The following SCOC variants were observed in gnomAD, a reference collection of about 807,000 sequenced individuals.
SCOC encodes the protein short coiled-coil protein, also known as short coiled coil protein.
In SCOC, 7 loss-of-function variants were observed where a neutral mutation model predicts 9.9. The observed-to-expected ratio is 0.71, with a 90% CI of 0.40 to 1.33. The LOEUF (loss-of-function observed/expected upper bound fraction) is 1.33, where lower values mean the gene tolerates loss of function less well. SCOC is among the 40% of genes most tolerant of loss of function. The probability of loss-of-function intolerance (pLI) is 0.01; values close to 1 mark genes in which losing one functional copy is unlikely to be tolerated. For missense variants in SCOC, 66 were observed against 89.7 expected (o/e 0.74, Z 1.07); for synonymous variants, 19 against 28.2 (o/e 0.67, Z 1.03).
intron 1 of SCOC, among the ~76,000 whole-genome samples, chr4:140,303,876 G>C (rs746119053): frequency 3.9e-5 from 6 of 152,144 alleles, no homozygotes; most frequent in South Asian, 2.1e-4. Flanking sequence ...AAGAAAACAA[G>C]CATTGCCGGT....
chr4:140,257,935 C>T (rs572808209), intron 1 of SCOC, among the ~76,000 whole-genome samples: 1 of 152,356 alleles, frequency 6.6e-6, no homozygotes, highest in South Asian at 2.1e-4. Context: ...GGGCAAGGAA[C>T]AAGCACAGGC....
chr4:140,287,646 A>G (rs916575322), intron 1 of SCOC, among the ~76,000 whole-genome samples: 4 of 152,086 alleles, frequency 2.6e-5, no homozygotes, highest in African/African-American at 9.7e-5. Flanking sequence ...CACACAGAGT[A>G]TGCAGGTACA....
At chr4:140,380,867 G>T (rs948427270) in intron 3 of SCOC, 95 bp from the exon 4 acceptor site, 2 of 976,336 alleles carry the variant, frequency 2.0e-6, no homozygotes, top group Admixed American at 3.0e-5. Context: ...TTTAAGGATT[G>T]TATTATTTCT....
At chr4:140,264,460 G>A (rs1471727832) in intron 1 of SCOC, among the ~76,000 whole-genome samples, 1 of 152,104 alleles carries the variant, frequency 6.6e-6, no homozygotes, top group Non-Finnish European at 1.5e-5. Context: ...ACCTTCATAC[G>A]TATAAAGATC....
intron 2 of SCOC, among the ~76,000 whole-genome samples, chr4:140,348,251 T>C (rs939639900): frequency 3.3e-5 from 5 of 152,206 alleles, no homozygotes; most frequent in Non-Finnish European, 5.9e-5. Flanking sequence ...AAAGATCTCT[T>C]AAATTTATTC....
chr4:140,363,356 G>A (rs1392139003), intron 2 of SCOC, among the ~76,000 whole-genome samples: 2 of 152,034 alleles, frequency 1.3e-5, no homozygotes, highest in Non-Finnish European at 2.9e-5. Context: ...ATTTTTTTCA[G>A]TAAATATAAT....
intron 1 of SCOC, among the ~76,000 whole-genome samples, chr4:140,377,917 G>A (rs982106260): frequency 2.0e-5 from 3 of 152,144 alleles, no homozygotes; most frequent in African/African-American, 7.2e-5. Context: ...ACACTGACAG[G>A]TCTAGGTTGC....
chr4:140,366,179 CTTTCTTT>C (rs201137946), intron 2 of SCOC: 76,419 of 589,136 alleles, frequency 0.13, 2,305 homozygotes, highest in East Asian at 0.22. Flanking sequence ...CCTTTTCTTT[CTTTCTTT>C]TTTTTTTTTT....
chr4:140,292,831 G>T (rs1335412219), intron 1 of SCOC, among the ~76,000 whole-genome samples: 3 of 152,100 alleles, frequency 2.0e-5, no homozygotes, highest in Non-Finnish European at 4.4e-5. Context: ...CAGTTTTTAG[G>T]GTCTCATGTT....
At chr4:140,349,793 A>G (rs1371545732) in intron 2 of SCOC, among the ~76,000 whole-genome samples, 1 of 152,094 alleles carries the variant, frequency 6.6e-6, no homozygotes, top group African/African-American at 2.4e-5. Flanking sequence ...AACACAAACC[A>G]CAGCACCTGC....
At chr4:140,358,317 A>G (rs985958392) in intron 2 of SCOC, among the ~76,000 whole-genome samples, 1 of 152,248 alleles carries the variant, frequency 6.6e-6, no homozygotes, top group African/African-American at 2.4e-5. Flanking sequence ...AACTGTTCAC[A>G]TACAAACATT....
chr4:140,367,538 C>G (rs1578870038), intron 2 of SCOC, among the ~76,000 whole-genome samples: 1 of 152,002 alleles, frequency 6.6e-6, no homozygotes, highest in East Asian at 1.9e-4. Context: ...TGCTGCCATG[C>G]CTGGCTAATT....
intron 1 of SCOC, among the ~76,000 whole-genome samples, chr4:140,288,967 A>G (rs1403133881): frequency 6.6e-6 from 1 of 151,994 alleles, no homozygotes; most frequent in Non-Finnish European, 1.5e-5. Flanking sequence ...TGATCACACA[A>G]CACACACAAT....
chr4:140,310,414 G>A (rs1002280689), intron 1 of SCOC, among the ~76,000 whole-genome samples: 1 of 152,170 alleles, frequency 6.6e-6, no homozygotes, highest in Non-Finnish European at 1.5e-5. Flanking sequence ...AGTGGGATTG[G>A]TATATCCTTT....
chr4:140,276,807 G>T (rs1296132126), intron 1 of SCOC, among the ~76,000 whole-genome samples: 1 of 152,036 alleles, frequency 6.6e-6, no homozygotes, highest in Non-Finnish European at 1.5e-5. Context: ...AGTCCCCTTA[G>T]TCCCAGGCAA....
intron 1 of SCOC, among the ~76,000 whole-genome samples, chr4:140,267,743 C>T (rs905298183): frequency 6.6e-6 from 1 of 152,156 alleles, no homozygotes; most frequent in Non-Finnish European, 1.5e-5. Flanking sequence ...TCCTCTGCCC[C>T]GAGGTGGTGT....
intron 1 of SCOC, among the ~76,000 whole-genome samples, chr4:140,326,340 GA>G (rs199946502): frequency 8.0e-5 from 12 of 149,682 alleles, no homozygotes; most frequent in African/African-American, 2.9e-4. Flanking sequence ...TATGCAAATT[GA>G]AAAAAAAATC....
At chr4:140,356,786 C>T (rs74837402) in intron 2 of SCOC, among the ~76,000 whole-genome samples, 3,662 of 151,980 alleles carry the variant, frequency 0.024, 56 homozygotes, top group Middle Eastern at 0.085. Context: ...GTAATTAGCA[C>T]GTATTTTAGA....
intron 1 of SCOC, among the ~76,000 whole-genome samples, chr4:140,302,815 G>C (rs1406362766): frequency 6.6e-6 from 1 of 152,174 alleles, no homozygotes; most frequent in Non-Finnish European, 1.5e-5. Flanking sequence ...GTAGACTGTA[G>C]ACGTAGTTAC....
Sources: allele counts gnomAD v4.1 joint callset (sites outside exome capture counted in the v4.1 genomes callset), GRCh38; gene constraint gnomAD v4.1.1; transcripts MANE v1.5; gene names NCBI Gene and HGNC (gene_info 2026-07-23, HGNC 2026-07-21).